The following IL17REL variants were observed in gnomAD, a reference collection of about 807,000 sequenced individuals.
IL17REL encodes the protein interleukin-17 receptor E-like protein.
IL17REL carries 36 observed loss-of-function variants against 49.0 expected under a neutral mutation model. The observed-to-expected ratio is 0.73, with a 90% confidence interval of 0.56 to 0.97. IL17REL has a LOEUF of 0.97. IL17REL is among the 50% of genes least tolerant of loss of function. IL17REL has a pLI of 0.00. For synonymous variants in IL17REL, 206 were observed against 192.4 expected, an observed-to-expected ratio of 1.07 and a Z score of -0.58; for missense variants, 470 against 453.9, an observed-to-expected ratio of 1.04 and a Z score of -0.32.
At chr22:49,998,908 C>T (rs1194607237) in intron 7 of IL17REL, among the ~76,000 whole-genome samples, 7 of 149,622 alleles carry the variant, frequency 4.7e-5, no homozygotes, top group Non-Finnish European at 7.4e-5. Flanking sequence ...TGTGTATGGG[C>T]GTGTATGTTC....
chr22:50,001,203 T>C (rs1601888678), exon 2 of IL17REL: 1 of 1,546,878 alleles, frequency 6.5e-7, no homozygotes, highest in Non-Finnish European at 8.8e-7. Context: ...ACACGGGGCG[T>C]GGCCGGCAGA....
rs2061038103 is a variant in IL17REL, at chr22:49,996,878, C to T, written c.*45-18G>A. 3.8e-5 allele frequency: 23 copies of T among 611,380 alleles called. No individual in the cohort carries two copies. The South Asian group carries it at 4.7e-4, about 12-fold the overall frequency. 37.9% of individuals were successfully genotyped at this position (611,380 alleles called of 1,614,324 possible). On this transcript the variant is annotated intron_variant, in intron 12 of 12. Coordinates refer to ENST00000341280, the Ensembl canonical transcript of IL17REL. ...CTCCAGCCCTGCAGGCATAAGGCAG[C>T]TCCGTCAACATGGCCTCCTGCTTCC...
chr22:49,999,232 A>G (rs13056254), intron 7 of IL17REL, 59 bp downstream of exon 9: 61,401 of 1,585,608 alleles, frequency 0.039, 1,405 homozygotes, highest in Middle Eastern at 0.047. Context: ...CTCATGGTGG[A>G]GTCAGACTGG....
At chr22:50,002,813 A>G (rs979806111) in intron 1 of IL17REL, among the ~76,000 whole-genome samples, 2 of 152,154 alleles carry the variant, frequency 1.3e-5, no homozygotes, top group Non-Finnish European at 2.9e-5. Context: ...AACTCTTACA[A>G]ATTCCCACTG....
intron 7 of IL17REL, 78 bp downstream of exon 9, chr22:49,999,213 A>C (rs1426814838): frequency 6.5e-7 from 1 of 1,530,108 alleles, no homozygotes; most frequent in Non-Finnish European, 9.0e-7. Flanking sequence ...TCATCCCCCC[A>C]CGTCAGTCCT....
rs1054905952 is a variant in IL17REL at position 50,008,677 on chromosome 22, C to G, written c.-82G>C. On this transcript the variant is annotated 5_prime_UTR_variant, in exon 1 of 13. Coordinates refer to ENST00000341280, the Ensembl canonical transcript of IL17REL. ...TGCAGGCAAAGCCCTGGGGACAGAA[C>G]AGTGAGAGGGGTGAGCGGCTGAGGG... 7.9e-5 allele frequency: 12 copies of G among 152,484 alleles called. No individual in the cohort carries two copies. Among genetic ancestry groups the G allele is most frequent in the African/African-American group, 2.9e-4 (12 of 41,448 alleles). 9.4% of individuals were successfully genotyped at this position (152,484 alleles called of 1,614,324 possible).
At chr22:50,010,484 T>A (rs1398510077), upstream of IL17REL, among the ~76,000 whole-genome samples, 1 of 152,172 alleles carries the variant, frequency 6.6e-6, no homozygotes, top group Non-Finnish European at 1.5e-5. Context: ...GGCAGTGGCG[T>A]GGGTCCCCGG....
At chr22:49,997,607 C>G (rs901134835) in intron 10 of IL17REL, 78 bp downstream of exon 12, 30 of 1,504,304 alleles carry the variant, frequency 2.0e-5, no homozygotes, top group Admixed American at 5.0e-5. Context: ...CGTTATTCCA[C>G]CTCCCTGACC....
At chr22:50,000,908 C>T (rs911776096) in intron 2 of IL17REL, 45 bp from the exon 4 acceptor site, 1 of 1,434,900 alleles carries the variant, frequency 7.0e-7, no homozygotes, top group South Asian at 1.4e-5. Flanking sequence ...AGCAGGGCCG[C>T]CCCTGGCTCC....
chr22:50,002,921 G>A (rs143239417), intron 1 of IL17REL, among the ~76,000 whole-genome samples: 2,632 of 152,304 alleles, frequency 0.017, 38 homozygotes, highest in Non-Finnish European at 0.028. Context: ...AAGACAAGTG[G>A]GCGTGAGAAA....
At chr22:50,003,708 A>G (rs1307411174) in intron 1 of IL17REL, among the ~76,000 whole-genome samples, 1 of 152,138 alleles carries the variant, frequency 6.6e-6, no homozygotes, top group Non-Finnish European at 1.5e-5. Flanking sequence ...GCAAACAGGG[A>G]ATGAAATTTC....
downstream of IL17REL, among the ~76,000 whole-genome samples, chr22:49,992,494 C>G (rs565355441): frequency 6.6e-6 from 1 of 152,254 alleles, no homozygotes; most frequent in African/African-American, 2.4e-5. Flanking sequence ...GTGGTGCAAT[C>G]ATGGCTCACT....
At chr22:50,000,662 G>T in intron 3 of IL17REL, 70 bp from the exon 5 acceptor site, 1 of 1,542,764 alleles carries the variant, frequency 6.5e-7, no homozygotes, top group Non-Finnish European at 8.9e-7. Context: ...AGCTCCACTT[G>T]CATGGCTGGA....
chr22:50,000,363 C>T (rs2061070556), intron 4 of IL17REL, 115 bp downstream of exon 5: 14 of 786,376 alleles, frequency 1.8e-5, no homozygotes, highest in East Asian at 2.5e-5. Context: ...AGCCAGAGGT[C>T]TTGCGGGGAT....
intron 1 of IL17REL, among the ~76,000 whole-genome samples, chr22:50,005,787 A>T (rs2061106380): frequency 6.6e-6 from 1 of 151,784 alleles, no homozygotes; most frequent in Non-Finnish European, 1.5e-5. Flanking sequence ...CCTGGGCAAC[A>T]AAGCGAGACC....
chr22:49,993,212 C>G (rs1383069191), downstream of IL17REL, among the ~76,000 whole-genome samples: 1 of 152,168 alleles, frequency 6.6e-6, no homozygotes, highest in Non-Finnish European at 1.5e-5. This position sits in a 1 kb window ranked among gnomAD's most constrained non-coding sequence, Gnocchi z 6.0. Flanking sequence ...GGGTCGGGGC[C>G]CAGGGCCCAA....
intron 1 of IL17REL, among the ~76,000 whole-genome samples, chr22:50,007,021 A>C (rs1363476231): frequency 1.3e-5 from 2 of 152,088 alleles, no homozygotes; most frequent in Admixed American, 6.6e-5. Flanking sequence ...TCATAGATGC[A>C]GAAATTTTTC....
chr22:49,992,681 G>C (rs752943886), downstream of IL17REL, among the ~76,000 whole-genome samples: 3 of 152,162 alleles, frequency 2.0e-5, no homozygotes, highest in Non-Finnish European at 4.4e-5. Flanking sequence ...GCAGTGGCAT[G>C]ATCTCAGCTC....
chr22:49,998,827 GTGTGCA>G (rs1320017093), intron 7 of IL17REL, among the ~76,000 whole-genome samples: 4 of 151,934 alleles, frequency 2.6e-5, no homozygotes, highest in African/African-American at 9.7e-5. Flanking sequence ...GTGGGTGTGC[GTGTGCA>G]TGTGTATGTG....
Sources: gnomAD v4.1 joint callset for allele counts (sites outside exome capture counted in the v4.1 genomes callset) on GRCh38, gnomAD v4.1.1 for gene constraint, Gnocchi (gnomAD v3.1) non-coding constraint, MANE v1.5 for transcripts, NCBI Gene and HGNC (gene_info 2026-07-23, HGNC 2026-07-21) for gene names.